The following ADAMTSL1 variants were observed in gnomAD, a reference collection of about 807,000 sequenced individuals.
ADAMTSL1 encodes the protein ADAMTS-like protein 1.
Under a neutral mutation model 201.8 loss-of-function variants are expected in ADAMTSL1, and 126 were observed. The observed-to-expected ratio is 0.62, with a 90% CI of 0.54 to 0.72. ADAMTSL1 has a LOEUF of 0.72. Among genes scored for constraint, ADAMTSL1 ranks in the 30% least tolerant of loss-of-function variants. The pLI is 0.00. For synonymous variants in ADAMTSL1, 1,121 were observed against 903.4 expected (o/e 1.24, Z -4.32); for missense variants, 2,679 against 2,277.8 (o/e 1.18, Z -3.59).
chr9:18,088,538 C>T (rs1474894252), intron 1 of ADAMTSL1, among the ~76,000 whole-genome samples: 1 of 152,014 alleles, frequency 6.6e-6, no homozygotes, highest in Non-Finnish European at 1.5e-5. Context: ...TAGCAAAAAG[C>T]CTAATAACCC....
At chr9:18,516,087 C>CAAAAAAAAAAAAAAAAAAA (rs11418722) in intron 2 of ADAMTSL1, among the ~76,000 whole-genome samples, 1 of 131,124 alleles carries the variant, frequency 7.6e-6, no homozygotes, top group Non-Finnish European at 1.6e-5. Flanking sequence ...CCTCAACTAC[C>CAAAAAAAAAAAAAAAAAAA]AAAAAAAAAA....
chr9:18,744,586 T>C (rs1227736598), intron 15 of ADAMTSL1, among the ~76,000 whole-genome samples: 1 of 152,268 alleles, frequency 6.6e-6, no homozygotes, highest in Non-Finnish European at 1.5e-5. Flanking sequence ...CCTTCATCTG[T>C]ACCAGGCCCT....
chr9:18,908,471 G>A lies in ADAMTSL1; in HGVS notation c.5212G>A (p.Glu1738Lys), dbSNP rs966401591. ...MECRDTTRYCEKVKQLKLCQL... is the reference protein window; with the variant it reads ...MECRDTTRYCKKVKQLKLCQL... The stretch of plus-strand genomic sequence containing the variant: ...GTGCAGAGACACCACCAGGTACTGC[G>A]AGAAGGTGAAACAGCTGAAACTCTG... The change falls in exon 29 of 29, where the codon GAG becomes AAG. Residue 1738 changes from glutamate (E) to lysine (K), a missense_variant. Glu to Lys is a moderately conservative substitution (Grantham distance 56). Coordinates refer to ENST00000380548, the MANE Select transcript of ADAMTSL1 (RefSeq NM_001040272.6). 3.3e-5 allele frequency: 51 copies of A among 1,562,114 alleles called. No homozygotes were observed. The highest frequency in any genetic ancestry group is 4.8e-5 in the East Asian group (2 of 41,592).
intron 2 of ADAMTSL1, among the ~76,000 whole-genome samples, chr9:18,447,550 A>G (rs76193161): frequency 0.02 from 3,072 of 152,298 alleles, 78 homozygotes; most frequent in African/African-American, 0.059. Flanking sequence ...AAAAGAAAGT[A>G]AAGCAATGAC....
rs534690346 is a variant in ADAMTSL1 at position 17,930,759 on chromosome 9, T to C, written c.87+23837T>C. Among the ~76,000 whole-genome samples, 16 of 152,280 alleles carry C rather than the reference T, an allele frequency of 1.1e-4. No homozygotes were observed. The South Asian group carries it at 3.3e-3, about 32-fold the overall frequency. ...ATTTTCAACATTGTAAGGTAAGATA[T>C]GGTGGAGTGGGGTTGAGGGGAACCA... On this transcript the variant is annotated intron_variant, in intron 1 of 29. Transcript: ENST00000680146.
chr9:18,124,077 G>GTTTTTTT (rs1157492042), intron 1 of ADAMTSL1, among the ~76,000 whole-genome samples: 120 of 70,796 alleles, frequency 1.7e-3, no homozygotes, highest in Admixed American at 2.7e-3. Flanking sequence ...TTATTTGCCA[G>GTTTTTTT]TTTTTTTTTT....
chr9:18,756,257 T>A (rs1381855845), intron 16 of ADAMTSL1, among the ~76,000 whole-genome samples: 2 of 112,576 alleles, frequency 1.8e-5, no homozygotes, highest in African/African-American at 7.1e-5. Flanking sequence ...CCAGCCTGGG[T>A]GACAGAGCAA....
At chr9:18,849,975 A>G (rs949801524) in intron 23 of ADAMTSL1, among the ~76,000 whole-genome samples, 2 of 152,216 alleles carry the variant, frequency 1.3e-5, no homozygotes, top group Non-Finnish European at 1.5e-5. Context: ...CACAGAAAGG[A>G]ATACAGCAGT....
intron 5 of ADAMTSL1, among the ~76,000 whole-genome samples, chr9:18,627,031 A>C (rs1293022535): frequency 6.8e-6 from 1 of 147,572 alleles, no homozygotes; most frequent in Non-Finnish European, 1.5e-5. Flanking sequence ...GCTTCAGTGC[A>C]GTGGCACTAT....
intron 1 of ADAMTSL1, among the ~76,000 whole-genome samples, chr9:18,095,870 A>G (rs1007255471): frequency 3.9e-5 from 6 of 152,224 alleles, no homozygotes; most frequent in African/African-American, 1.4e-4. Flanking sequence ...TCTGAGAGTC[A>G]GCAATGCCTA....
chr9:18,649,083 G>A lies in ADAMTSL1; in HGVS notation c.835-8556G>A, dbSNP rs202197426. ...CCCATATTTCTTGGAGGCTTTGTTC[G>A]TTTCTTTTTATTCTTTTTTCTCTAA... On this transcript the variant is annotated intron_variant, in intron 7 of 28. Transcript: ENST00000380548. 6.9e-3 allele frequency among the ~76,000 whole-genome samples: 1,037 copies of A among 150,416 alleles called. 11 individuals are homozygous for A. Among genetic ancestry groups the A allele is most frequent in the African/African-American group, 0.022 (916 of 41,192 alleles).
At chr9:18,359,379 A>G (rs1051336501) in intron 2 of ADAMTSL1, among the ~76,000 whole-genome samples, 1 of 152,190 alleles carries the variant, frequency 6.6e-6, no homozygotes, top group Non-Finnish European at 1.5e-5. Context: ...AGAAAAGGTT[A>G]CACAAATTAA....
chr9:18,832,566 A>G (rs1825057943), intron 23 of ADAMTSL1, among the ~76,000 whole-genome samples: 1 of 152,222 alleles, frequency 6.6e-6, no homozygotes, highest in African/African-American at 2.4e-5. Context: ...AAGAAACCCT[A>G]TTTTGAGGAT....
intron 2 of ADAMTSL1, among the ~76,000 whole-genome samples, chr9:18,340,456 A>G (rs187807024): frequency 6.6e-6 from 1 of 152,202 alleles, no homozygotes; most frequent in Admixed American, 6.5e-5. Context: ...TACATCCCAA[A>G]CTGAGCTCAT....
rs2095100 is a variant in ADAMTSL1 at position 18,594,876 on chromosome 9, C to T, written c.474+20610C>T. On this transcript the variant is annotated intron_variant, in intron 4 of 28. Coordinates refer to ENST00000380548, the MANE Select transcript of ADAMTSL1 (RefSeq NM_001040272.6). Reference sequence around the variant, plus strand: ...GTTCTTGGTGCTTGTGAAAGAGCAACAATGTCTGTGCATTGAGGAATTAGG... The same window carrying T: ...GTTCTTGGTGCTTGTGAAAGAGCAATAATGTCTGTGCATTGAGGAATTAGG... Among the ~76,000 whole-genome samples, 1,008 of 152,214 alleles carry T rather than the reference C, an allele frequency of 6.6e-3. 18 individuals carry two copies. In the East Asian group the frequency reaches 0.075, roughly 11 times the overall value.
intron 1 of ADAMTSL1, among the ~76,000 whole-genome samples, chr9:18,065,985 C>CAAAAAA (rs34179730): frequency 1.0e-4 from 4 of 38,134 alleles, no homozygotes; most frequent in Non-Finnish European, 1.9e-4. Context: ...GACTCCATCT[C>CAAAAAA]AAAAAAAAAA....
intron 1 of ADAMTSL1, among the ~76,000 whole-genome samples, chr9:17,935,089 T>A (rs1156720568): frequency 6.6e-6 from 1 of 152,110 alleles, no homozygotes; most frequent in Non-Finnish European, 1.5e-5. Context: ...GTATTACTCC[T>A]CAGAAACTGT....
chr9:18,331,931 C>G (rs2132912813), intron 2 of ADAMTSL1, among the ~76,000 whole-genome samples: 1 of 152,226 alleles, frequency 6.6e-6, no homozygotes, highest in Non-Finnish European at 1.5e-5. Context: ...ATTATAGAAT[C>G]AGCTTGCTGC....
At chr9:18,637,601 C>CT (rs2132788021) in intron 6 of ADAMTSL1, among the ~76,000 whole-genome samples, 1 of 152,262 alleles carries the variant, frequency 6.6e-6, no homozygotes, top group African/African-American at 2.4e-5. Flanking sequence ...CTGGAACCTG[C>CT]TTTTTTCTCC....
Sources: allele counts gnomAD v4.1 joint callset (sites outside exome capture counted in the v4.1 genomes callset), GRCh38; gene constraint gnomAD v4.1.1; transcripts MANE v1.5; gene names NCBI Gene and HGNC (gene_info 2026-07-23, HGNC 2026-07-21).